Variants in STK39 observed in about 807,000 individuals in gnomAD.
The protein encoded by STK39 is serine/threonine kinase 39.
STK39 carries 20 observed loss-of-function variants against 77.8 expected under a neutral mutation model. The observed-to-expected ratio is 0.26, with a 90% CI of 0.18 to 0.37. The LOEUF is 0.37. Ranked by LOEUF, STK39 falls within the 10% of genes least tolerant of loss-of-function variation. The pLI is 1.00. For synonymous variants in STK39, 246 were observed against 234.1 expected (o/e 1.05, Z -0.47); for missense variants, 479 against 656.5 (o/e 0.73, Z 2.95).
chr2:168,097,489 A>G lies in STK39; in HGVS notation c.1090-22258T>C, dbSNP rs182129946. Among the ~76,000 whole-genome samples, 88 of 152,178 alleles carry G rather than the reference A, an allele frequency of 5.8e-4. 1 individual carries two copies. Among genetic ancestry groups the G allele is most frequent in the Non-Finnish European group, 1.0e-3 (68 of 67,994 alleles). Reference sequence around the variant, plus strand: ...CCTGTAATCCCAGTACTTTGGGAGGATGAGGCAGGAGAATGGCTTGAGGCA... The same window carrying G: ...CCTGTAATCCCAGTACTTTGGGAGGGTGAGGCAGGAGAATGGCTTGAGGCA... On this transcript the variant is annotated intron_variant, in intron 10 of 17. Transcript: ENST00000355999.
chr2:168,150,529 G>T (rs1688251678), intron 5 of STK39, among the ~76,000 whole-genome samples: 1 of 152,048 alleles, frequency 6.6e-6, no homozygotes, highest in Admixed American at 6.5e-5. Flanking sequence ...CTCACTGCAG[G>T]TGTGATGGTA....
At chr2:168,040,860 T>C (rs1024617981) in intron 14 of STK39, among the ~76,000 whole-genome samples, 1 of 152,212 alleles carries the variant, frequency 6.6e-6, no homozygotes, top group Admixed American at 6.5e-5. Context: ...CAGCACTGCC[T>C]TGTTATAGAG....
At chr2:168,090,843 G>C (rs1003797124) in intron 10 of STK39, among the ~76,000 whole-genome samples, 3 of 152,100 alleles carry the variant, frequency 2.0e-5, no homozygotes, top group African/African-American at 7.2e-5. Flanking sequence ...TATTCCATCT[G>C]CTTAAGCAAA....
intron 12 of STK39, among the ~76,000 whole-genome samples, chr2:168,067,840 T>C (rs1017418047): frequency 3.3e-5 from 5 of 152,166 alleles, no homozygotes; most frequent in Non-Finnish European, 7.3e-5. Flanking sequence ...AGTGTTTTGA[T>C]GGGAAGGTGT....
chr2:168,019,195 C>T (rs554106142), intron 14 of STK39, among the ~76,000 whole-genome samples: 3 of 152,262 alleles, frequency 2.0e-5, no homozygotes, highest in African/African-American at 7.2e-5. Flanking sequence ...TGGATCCTCA[C>T]CCTAAAAGAA....
intron 5 of STK39, among the ~76,000 whole-genome samples, chr2:168,154,208 C>T (rs953454634): frequency 6.6e-6 from 1 of 152,134 alleles, no homozygotes; most frequent in African/African-American, 2.4e-5. Context: ...AATGGTTCTC[C>T]CACTAAAAGA....
intron 10 of STK39, among the ~76,000 whole-genome samples, chr2:168,083,290 C>G (rs1020016398): frequency 2.0e-5 from 3 of 149,646 alleles, no homozygotes; most frequent in Non-Finnish European, 4.4e-5. Context: ...TTGCCTATAC[C>G]TCTATGTCAT....
Position 168,235,857 on chromosome 2 carries a change from T to A in STK39, c.208+11371A>T, listed in dbSNP as rs1458619577. Among the ~76,000 whole-genome samples the A allele has an allele frequency of 2.0e-5, 3 of 152,176 alleles. 1 individual carries two copies. Among genetic ancestry groups the A allele is most frequent in the South Asian group, 4.1e-4 (2 of 4,830 alleles). ...ATTTTCTTAATCCAGTCTATCATTG[T>A]TGGACATCTGGGTTGGTTCCAAGTC... On this transcript the variant is annotated intron_variant, in intron 1 of 17. Coordinates refer to ENST00000355999, the MANE Select transcript of STK39 (RefSeq NM_013233.3).
intron 1 of STK39, among the ~76,000 whole-genome samples, chr2:168,216,804 C>T (rs952271642): frequency 2.0e-5 from 3 of 152,258 alleles, no homozygotes; most frequent in African/African-American, 7.2e-5. Flanking sequence ...GGACTTTCAT[C>T]TCCTGAGAGG....
intron 10 of STK39, among the ~76,000 whole-genome samples, chr2:168,104,219 T>C (rs972413820): frequency 2.0e-5 from 3 of 152,048 alleles, no homozygotes; most frequent in Non-Finnish European, 4.4e-5. Flanking sequence ...TGAGGGAAGG[T>C]TTACATATCT....
intron 1 of STK39, among the ~76,000 whole-genome samples, chr2:168,240,700 T>C (rs1432635295): frequency 6.6e-6 from 1 of 152,286 alleles, no homozygotes; most frequent in Non-Finnish European, 1.5e-5. Flanking sequence ...GAAGTTCCTG[T>C]GAAACATTCA....
intron 7 of STK39, among the ~76,000 whole-genome samples, chr2:168,139,408 T>TTATACATATATATATATATATATA (rs1553532930): frequency 2.1e-5 from 3 of 144,528 alleles, no homozygotes; most frequent in African/African-American, 7.9e-5. Context: ...TAAAAAAAAT[T>TTATACATATATATATATATATATA]TATATATATA....
At chr2:168,060,132 C>G (rs549380679) in intron 14 of STK39, among the ~76,000 whole-genome samples, 14 of 152,196 alleles carry the variant, frequency 9.2e-5, no homozygotes, top group South Asian at 6.2e-4. Context: ...ACATCCCCCC[C>G]CTTTCCACCC....
intron 16 of STK39, among the ~76,000 whole-genome samples, chr2:168,010,034 AAAG>A (rs1684231642): frequency 6.6e-6 from 1 of 151,288 alleles, no homozygotes; most frequent in African/African-American, 2.4e-5. Flanking sequence ...ACTATGCTTA[AAAG>A]AAGATGTGAC....
chr2:168,001,876 G>A (rs1574381941), intron 16 of STK39, among the ~76,000 whole-genome samples: 1 of 152,190 alleles, frequency 6.6e-6, no homozygotes, highest in South Asian at 2.1e-4. Flanking sequence ...AAAAATGTAA[G>A]TCATCACAAA....
intron 1 of STK39, among the ~76,000 whole-genome samples, chr2:168,213,118 CAAG>C (rs772830533): frequency 2.0e-5 from 3 of 152,094 alleles, no homozygotes; most frequent in Non-Finnish European, 4.4e-5. Context: ...CTGGGAGTTG[CAAG>C]AAGAGATAAG....
chr2:168,042,577 CTTTTT>C (rs540413448), intron 14 of STK39, among the ~76,000 whole-genome samples: 1 of 133,042 alleles, frequency 7.5e-6, no homozygotes, highest in Admixed American at 7.7e-5. Context: ...TTCCTTCCTT[CTTTTT>C]TTTTTTTTTT....
In STK39 at chr2:168,152,780, C is replaced by G. The variant is rs138509223; in HGVS notation, c.628+9007G>C. On this transcript the variant is annotated intron_variant, in intron 5 of 17. Transcript: ENST00000355999. ...GCCAAAGGCAAGCTTCTAAAGTCAGCGAGGGCTCCTGGCCGGCCATATCCG... is the reference window on the plus strand; with the variant it reads ...GCCAAAGGCAAGCTTCTAAAGTCAGGGAGGGCTCCTGGCCGGCCATATCCG... 7.8e-3 allele frequency among the ~76,000 whole-genome samples: 1,190 copies of G among 152,268 alleles called. 8 individuals carry two copies. Among genetic ancestry groups the G allele is most frequent in the South Asian group, 0.016 (78 of 4,814 alleles).
At chr2:167,994,071 A>G (rs1030952773) in intron 16 of STK39, among the ~76,000 whole-genome samples, 3 of 152,248 alleles carry the variant, frequency 2.0e-5, no homozygotes, top group Non-Finnish European at 4.4e-5. Context: ...ATACAGTCTT[A>G]TACCAACCAG....
Sources: allele counts gnomAD v4.1 joint callset (sites outside exome capture counted in the v4.1 genomes callset), GRCh38; gene constraint gnomAD v4.1.1; transcripts MANE v1.5; gene names NCBI Gene and HGNC (gene_info 2026-07-23, HGNC 2026-07-21).